Variants in CDH18 observed in about 807,000 individuals in gnomAD.
CDH18 encodes cadherin 18.
CDH18 carries 31 observed loss-of-function variants against 67.9 expected under a neutral mutation model. That is an observed-to-expected ratio of 0.46 (90% CI 0.34 to 0.62). The LOEUF (loss-of-function observed/expected upper bound fraction) is 0.62. CDH18 is among the 20% of genes least tolerant of loss of function. CDH18 has a pLI of 0.01. For missense variants in CDH18, 890 were observed against 975.5 expected, an observed-to-expected ratio of 0.91 and a Z score of 1.17; for synonymous variants, 362 against 347.2, an observed-to-expected ratio of 1.04 and a Z score of -0.48.
At chr5:20,015,758 G>C (rs1414065444) in intron 2 of CDH18, among the ~76,000 whole-genome samples, 1 of 152,080 alleles carries the variant, frequency 6.6e-6, no homozygotes, top group Non-Finnish European at 1.5e-5. Flanking sequence ...TGATGAGCTT[G>C]CATTTTTATC....
intron 5 of CDH18, among the ~76,000 whole-genome samples, chr5:19,656,259 T>C (rs114339160): frequency 0.011 from 1,685 of 152,178 alleles, 35 homozygotes; most frequent in African/African-American, 0.038. Flanking sequence ...TTTTACCATA[T>C]CTTCTAAAGT....
intron 8 of CDH18, among the ~76,000 whole-genome samples, chr5:19,556,671 A>G (rs1426328316): frequency 6.6e-6 from 1 of 152,192 alleles, no homozygotes; most frequent in Non-Finnish European, 1.5e-5. Context: ...CCCAAGGAAG[A>G]AGAGAAATAT....
At chr5:20,193,047 C>T (rs1248835985) in intron 2 of CDH18, among the ~76,000 whole-genome samples, 1 of 151,924 alleles carries the variant, frequency 6.6e-6, no homozygotes, top group South Asian at 2.1e-4. Flanking sequence ...TTGTAGTTCT[C>T]CTTGAAGAGG....
At chr5:20,104,107 TTATA>T (rs1197629905) in intron 2 of CDH18, among the ~76,000 whole-genome samples, 4 of 150,682 alleles carry the variant, frequency 2.7e-5, no homozygotes, top group Admixed American at 1.3e-4. Flanking sequence ...TATATAGAGA[TTATA>T]TATTTATAGA....
intron 1 of CDH18, among the ~76,000 whole-genome samples, chr5:20,443,028 T>A (rs1749726790): frequency 2.0e-5 from 3 of 149,840 alleles, no homozygotes; most frequent in African/African-American, 7.5e-5. Flanking sequence ...GCTAAAACGG[T>A]GAAACCCCGT....
intron 2 of CDH18, among the ~76,000 whole-genome samples, chr5:20,215,178 C>A (rs1561883531): frequency 1.3e-5 from 2 of 151,706 alleles, no homozygotes; most frequent in Non-Finnish European, 1.5e-5. Flanking sequence ...ATTAAATGGT[C>A]AAAAAATATC....
At chr5:20,087,617 A>T in intron 2 of CDH18, among the ~76,000 whole-genome samples, 1 of 152,208 alleles carries the variant, frequency 6.6e-6, no homozygotes, top group East Asian at 1.9e-4. Flanking sequence ...TCAGGAAAAA[A>T]GATTACAACT....
intron 3 of CDH18, among the ~76,000 whole-genome samples, chr5:19,813,153 T>A (rs1402252837): frequency 6.6e-6 from 1 of 151,892 alleles, no homozygotes; most frequent in African/African-American, 2.4e-5. Flanking sequence ...GGTGGGGGAC[T>A]GGGGGAGTGA....
intron 1 of CDH18, among the ~76,000 whole-genome samples, chr5:20,569,286 T>C (rs1758678098): frequency 6.6e-6 from 1 of 152,294 alleles, no homozygotes; most frequent in East Asian, 1.9e-4. Flanking sequence ...AAATCATTTA[T>C]ATAGCTTGTA....
chr5:19,986,940 T>A (rs1268092134), intron 1 of CDH18, among the ~76,000 whole-genome samples: 1 of 152,294 alleles, frequency 6.6e-6, no homozygotes. Flanking sequence ...AATAAAGGTT[T>A]GAAAACACAG....
chr5:19,695,748 T>C (rs1412686360), intron 5 of CDH18, among the ~76,000 whole-genome samples: 1 of 152,188 alleles, frequency 6.6e-6, no homozygotes, highest in East Asian at 1.9e-4. Context: ...GCAAGCACTA[T>C]GTATAGCAAC....
chr5:19,828,440 C>T (rs902967687), intron 3 of CDH18, among the ~76,000 whole-genome samples: 1 of 152,078 alleles, frequency 6.6e-6, no homozygotes, highest in Non-Finnish European at 1.5e-5. Flanking sequence ...AACAACAACA[C>T]TGCAGGCCAA....
chr5:20,166,317 T>G (rs1736279772), intron 2 of CDH18, among the ~76,000 whole-genome samples: 1 of 150,548 alleles, frequency 6.6e-6, no homozygotes, highest in African/African-American at 2.4e-5. Context: ...GGCGGGCACC[T>G]GTAATCTCAG....
At chr5:20,244,821 GATAA>G (rs1180417905) in intron 2 of CDH18, among the ~76,000 whole-genome samples, 1 of 151,920 alleles carries the variant, frequency 6.6e-6, no homozygotes, top group Non-Finnish European at 1.5e-5. Context: ...ATGCCAGTAA[GATAA>G]ATAAAGATCC....
rs1304997416 is a variant in CDH18, at chr5:19,747,147, G to A, written c.318C>T (p.Thr106=). 5 of 1,613,688 alleles carry A rather than the reference G, an allele frequency of 3.1e-6. No homozygotes were observed. In the South Asian group the frequency reaches 5.5e-5, roughly 18 times the overall value. ...GAGTIFIIDD[T]TGDIHSTKSL... is the part of the protein sequence containing the mutation. Reference sequence around the variant, plus strand: ...TTTTTGTTGAGTGGATATCACCCGTGGTATCGTCAATGATAAATATAGTCC... The same window carrying A: ...TTTTTGTTGAGTGGATATCACCCGTAGTATCGTCAATGATAAATATAGTCC... Residue 106 remains threonine (T), a synonymous_variant, in exon 4 of 13, where the codon ACC becomes ACT. Coordinates refer to ENST00000382275, the MANE Select transcript of CDH18 (RefSeq NM_004934.5).
At chr5:19,929,882 T>G (rs1053864193) in intron 2 of CDH18, among the ~76,000 whole-genome samples, 2 of 152,100 alleles carry the variant, frequency 1.3e-5, no homozygotes, top group Admixed American at 6.6e-5. Flanking sequence ...GTATTTCCAA[T>G]AATTTACTGA....
intron 2 of CDH18, among the ~76,000 whole-genome samples, chr5:20,195,501 A>G (rs932987061): frequency 6.6e-6 from 1 of 152,038 alleles, no homozygotes; most frequent in Non-Finnish European, 1.5e-5. Context: ...ATAAAACCAG[A>G]GCCAACACAA....
chr5:20,376,021 C>G (rs1027055334), intron 1 of CDH18, among the ~76,000 whole-genome samples: 4 of 151,044 alleles, frequency 2.6e-5, no homozygotes, highest in Non-Finnish European at 4.4e-5. Flanking sequence ...GTATAAAACA[C>G]TGAATAAAGC....
At chr5:20,196,825 T>G (rs1010076834) in intron 2 of CDH18, among the ~76,000 whole-genome samples, 3 of 152,202 alleles carry the variant, frequency 2.0e-5, no homozygotes, top group Non-Finnish European at 2.9e-5. Flanking sequence ...CCACAAATTC[T>G]CTCAATTACA....
Sources: allele counts gnomAD v4.1 joint callset (sites outside exome capture counted in the v4.1 genomes callset), GRCh38; gene constraint gnomAD v4.1.1; transcripts MANE v1.5; gene names NCBI Gene and HGNC (gene_info 2026-07-23, HGNC 2026-07-21).